LRRIQ4: variants seen among roughly 807,000 people sequenced by gnomAD.
LRRIQ4 encodes the protein leucine rich repeats and IQ motif containing 4, also known as leucine-rich repeat and IQ domain-containing protein 4.
A neutral mutation model predicts 40.1 loss-of-function variants in LRRIQ4; 21 were observed. The ratio of observed to expected loss-of-function variants is 0.52; its 90% CI spans 0.37 to 0.75. The LOEUF is 0.75. Among genes scored for constraint, LRRIQ4 ranks in the 30% least tolerant of loss-of-function variants. LRRIQ4 has a pLI of 0.00. For synonymous variants in LRRIQ4, 277 were observed against 277.1 expected (o/e 1.00, Z 0.00); for missense variants, 655 against 660.0 (o/e 0.99, Z 0.08).
At chr3:169,825,493 A>G (rs748685509) in intron 2 of LRRIQ4, among the ~76,000 whole-genome samples, 3 of 152,194 alleles carry the variant, frequency 2.0e-5, no homozygotes, top group Non-Finnish European at 4.4e-5. Context: ...GTTCCGTGAG[A>G]GCCCGGCCCT....
chr3:169,819,909 C>T (rs1779842451), intron 1 of LRRIQ4, among the ~76,000 whole-genome samples: 1 of 152,084 alleles, frequency 6.6e-6, no homozygotes, highest in Non-Finnish European at 1.5e-5. Flanking sequence ...ATTTAATCTG[C>T]CTGATGACTA....
chr3:169,834,214 T>C (rs2108186854), intron 5 of LRRIQ4, among the ~76,000 whole-genome samples: 1 of 152,150 alleles, frequency 6.6e-6, no homozygotes, highest in African/African-American at 2.4e-5. Flanking sequence ...ATACAAAAAT[T>C]AGCTGGGCAT....
At chr3:169,827,327 G>A (rs1039901080) in intron 2 of LRRIQ4, among the ~76,000 whole-genome samples, 3 of 151,972 alleles carry the variant, frequency 2.0e-5, no homozygotes, top group African/African-American at 7.2e-5. Context: ...AGATTTTTTC[G>A]CCGGGTGCGG....
intron 1 of LRRIQ4, among the ~76,000 whole-genome samples, chr3:169,816,002 T>G (rs1480512308): frequency 6.6e-6 from 1 of 152,216 alleles, no homozygotes; most frequent in African/African-American, 2.4e-5. Flanking sequence ...TTGGTCATGA[T>G]GAATGATTTT....
At chr3:169,827,982 C>T (rs182351384) in intron 2 of LRRIQ4, among the ~76,000 whole-genome samples, 2 of 152,270 alleles carry the variant, frequency 1.3e-5, no homozygotes, top group African/African-American at 4.8e-5. Context: ...TAATGGAGTT[C>T]ACTGAACACT....
chr3:169,818,504 C>T (rs1779809983), intron 1 of LRRIQ4, among the ~76,000 whole-genome samples: 2 of 152,174 alleles, frequency 1.3e-5, no homozygotes, highest in Non-Finnish European at 2.9e-5. Flanking sequence ...ATTCTCTCAG[C>T]TATGACTCCC....
rs568710433 is a variant in LRRIQ4, at chr3:169,831,948, A to G, written c.1334-1039A>G. 1.9e-4 allele frequency among the ~76,000 whole-genome samples: 28 copies of G among 151,292 alleles called. No individual in the cohort carries two copies. In the South Asian group the frequency reaches 5.2e-3, roughly 28 times the overall value. ...CACCACTGCACTCTAGCCTGTTAAC[A>G]GGGCAAGACTCCGTTTTAATAAAAG... On this transcript the variant is annotated intron_variant, in intron 4 of 5. Coordinates refer to ENST00000340806, the MANE Select transcript of LRRIQ4 (RefSeq NM_001080460.3).
At chr3:169,823,852 G>A (rs1375164624) in intron 2 of LRRIQ4, among the ~76,000 whole-genome samples, 2 of 152,080 alleles carry the variant, frequency 1.3e-5, no homozygotes, top group African/African-American at 4.8e-5. Context: ...ATGAAATTAT[G>A]GGAGACAATC....
chr3:169,820,467 A>T (rs1779859771), intron 1 of LRRIQ4, among the ~76,000 whole-genome samples: 1 of 152,078 alleles, frequency 6.6e-6, no homozygotes, highest in Non-Finnish European at 1.5e-5. Flanking sequence ...AAAGAAAAAA[A>T]AAAGTTTGCT....
Position 169,837,471 on chromosome 3 carries a change from G to C in LRRIQ4, c.1531-8G>C. On this transcript the variant is annotated splice_polypyrimidine_tract_variant and splice_region_variant and intron_variant, in intron 5 of 5. Coordinates refer to ENST00000340806, the MANE Select transcript of LRRIQ4 (RefSeq NM_001080460.3). The stretch of plus-strand genomic sequence containing the variant: ...CCGATGCTGAATTTGGGTTTATCTT[G>C]TTTTCAGATTCAGGCATGGTGGCGT... The C allele has an allele frequency of 1.3e-6, 2 of 1,599,724 alleles. No individual in the cohort carries two copies. Among genetic ancestry groups the C allele is most frequent in the African/African-American group, 1.3e-5 (1 of 74,284 alleles).
rs562301692 is a variant in LRRIQ4 at position 169,834,766 on chromosome 3, T to C, written c.1530+1583T>C. Among the ~76,000 whole-genome samples the C allele has an allele frequency of 4.3e-3, 662 of 152,312 alleles. 3 individuals carry two copies. Among genetic ancestry groups the C allele is most frequent in the Non-Finnish European group, 6.5e-3 (443 of 68,016 alleles). Reference sequence around the variant, plus strand: ...CCTCAAAATTGATCCTAAGGTTTTATGTATACACATATAAGTCTTTCATAG... The same window carrying C: ...CCTCAAAATTGATCCTAAGGTTTTACGTATACACATATAAGTCTTTCATAG... On this transcript the variant is annotated intron_variant, in intron 5 of 5. Coordinates refer to ENST00000340806, the MANE Select transcript of LRRIQ4 (RefSeq NM_001080460.3).
intron 1 of LRRIQ4, among the ~76,000 whole-genome samples, chr3:169,820,249 CTGTGTGTGTGTGTGTGTGTG>C (rs55800037): frequency 7.7e-5 from 11 of 143,678 alleles, no homozygotes; most frequent in Non-Finnish European, 1.4e-4. Flanking sequence ...CCCATAGACT[CTGTGTGTGTGTGTGTGTGTG>C]TGTGTGTGTG....
chr3:169,827,176 T>C (rs981497340), intron 2 of LRRIQ4, among the ~76,000 whole-genome samples: 10 of 152,084 alleles, frequency 6.6e-5, no homozygotes, highest in African/African-American at 2.4e-4. Context: ...GGGAAGGATT[T>C]CCCAGTTAGG....
At position 169,822,451 on chromosome 3, in the gene LRRIQ4, T is replaced by C; in HGVS notation, c.530T>C (p.Phe177Ser). The C allele has an allele frequency of 6.2e-7, 1 of 1,613,918 alleles. No homozygotes were observed. The highest frequency in any genetic ancestry group is 8.5e-7 in the Non-Finnish European group (1 of 1,179,876). Residue 177 changes from phenylalanine (F) to serine (S), a missense_variant, in exon 2 of 6, where the codon TTT becomes TCT. Phe to Ser is a radical substitution (Grantham distance 155, BLOSUM62 -2). Coordinates refer to ENST00000340806, the MANE Select transcript of LRRIQ4 (RefSeq NM_001080460.3). ...LREIYLKRNQ[F>S]EVFPQELCVL... ...GAGATCTACCTGAAGCGAAACCAGT[T>C]TGAAGTTTTCCCCCAGGAGCTCTGT...
intron 2 of LRRIQ4, among the ~76,000 whole-genome samples, chr3:169,825,974 A>G (rs1780032748): frequency 6.6e-6 from 1 of 151,986 alleles, no homozygotes; most frequent in Admixed American, 6.5e-5. Flanking sequence ...CAAAGACTCA[A>G]CTCATGGGTT....
chr3:169,830,681 T>C (rs1780148014), intron 4 of LRRIQ4, 51 bp downstream of exon 4: 27 of 1,608,490 alleles, frequency 1.7e-5, no homozygotes, highest in Admixed American at 3.4e-5. Context: ...GGCCAGCATT[T>C]CCTATGGCAA....
chr3:169,834,851 T>A (rs1780269951), intron 5 of LRRIQ4, among the ~76,000 whole-genome samples: 1 of 151,922 alleles, frequency 6.6e-6, no homozygotes, highest in South Asian at 2.1e-4. Flanking sequence ...TTTAAAAATT[T>A]AAAAATGTAT....
At chr3:169,834,096 T>C (rs1780250759) in intron 5 of LRRIQ4, among the ~76,000 whole-genome samples, 1 of 152,222 alleles carries the variant, frequency 6.6e-6, no homozygotes, top group African/African-American at 2.4e-5. Flanking sequence ...GCGCGGTGGC[T>C]CTCGCCTGTA....
At chr3:169,819,694 C>T (rs776161241) in intron 1 of LRRIQ4, among the ~76,000 whole-genome samples, 2 of 152,142 alleles carry the variant, frequency 1.3e-5, no homozygotes, top group Non-Finnish European at 2.9e-5. Flanking sequence ...GGAAACAGGG[C>T]AAATAATGAT....
Sources: allele counts gnomAD v4.1 joint callset (sites outside exome capture counted in the v4.1 genomes callset), GRCh38; gene constraint gnomAD v4.1.1; transcripts MANE v1.5; gene names NCBI Gene and HGNC (gene_info 2026-07-23, HGNC 2026-07-21).